GPC5: variants seen among roughly 807,000 people sequenced by gnomAD.
GPC5 encodes the protein glypican-5.
A neutral mutation model predicts 53.9 loss-of-function variants in GPC5; 47 were observed. The observed-to-expected ratio is 0.87, with a 90% CI of 0.69 to 1.11. The LOEUF is 1.11. GPC5 is among the 50% of genes most tolerant of loss of function. The pLI is 0.00. For missense variants in GPC5, 748 were observed against 713.1 expected (o/e 1.05, Z -0.56); for synonymous variants, 286 against 263.3 (o/e 1.09, Z -0.84).
intron 7 of GPC5, among the ~76,000 whole-genome samples, chr13:92,194,358 C>A (rs1171919216): frequency 6.6e-6 from 1 of 152,144 alleles, no homozygotes; most frequent in East Asian, 1.9e-4. Flanking sequence ...TAGGCTCTCC[C>A]TCATAAAAAC....
intron 7 of GPC5, among the ~76,000 whole-genome samples, chr13:92,246,139 T>C (rs1304060097): frequency 1.3e-5 from 2 of 152,054 alleles, no homozygotes. Context: ...AGCTGAATAT[T>C]TTGTACTACA....
intron 6 of GPC5, chr13:91,995,669 A>G (rs566885536): frequency 3.9e-5 from 6 of 152,312 alleles, no homozygotes; most frequent in African/African-American, 1.2e-4. Flanking sequence ...ACAACATTAG[A>G]TACTAAACTC....
At chr13:91,798,835 A>G (rs890666129) in intron 5 of GPC5, among the ~76,000 whole-genome samples, 3 of 152,140 alleles carry the variant, frequency 2.0e-5, no homozygotes, top group African/African-American at 7.2e-5. Flanking sequence ...TCCCACCATC[A>G]GTGTGAAAGT....
chr13:91,441,367 T>C (rs899336649), intron 1 of GPC5, among the ~76,000 whole-genome samples: 2 of 152,226 alleles, frequency 1.3e-5, no homozygotes, highest in African/African-American at 4.8e-5. Context: ...GAATAAATCA[T>C]AGAAGAAAGT....
In GPC5 at chr13:92,516,320, G is replaced by A. The variant is rs549806819; in HGVS notation, c.1562-349962G>A. The stretch of plus-strand genomic sequence containing the variant: ...AAATTAACATTGGCATAAAATACAC[G>A]AGTCCATATTGTTGTTTTTTATTAA... On this transcript the variant is annotated intron_variant, in intron 7 of 7. Coordinates refer to ENST00000377067, the MANE Select transcript of GPC5 (RefSeq NM_004466.6). 2.0e-4 allele frequency among the ~76,000 whole-genome samples: 30 copies of A among 152,150 alleles called. No homozygotes were observed. The South Asian group carries it at 2.7e-3, about 14-fold the overall frequency.
At chr13:91,770,704 TTGTGTGTGTGTG>T (rs71113759) in intron 5 of GPC5, among the ~76,000 whole-genome samples, 8 of 145,554 alleles carry the variant, frequency 5.5e-5, no homozygotes, top group African/African-American at 7.6e-5. Context: ...GACTGTGTGT[TTGTGTGTGTGTG>T]TGTGTGTGTG....
intron 2 of GPC5, among the ~76,000 whole-genome samples, chr13:91,619,594 G>A (rs993132601): frequency 9.2e-5 from 14 of 152,142 alleles, no homozygotes; most frequent in African/African-American, 3.1e-4. Flanking sequence ...AGACCTTTGG[G>A]GAGACATGCC....
chr13:91,518,662 C>G (rs1741903350), intron 2 of GPC5, among the ~76,000 whole-genome samples: 1 of 152,164 alleles, frequency 6.6e-6, no homozygotes, highest in Non-Finnish European at 1.5e-5. Flanking sequence ...ACACCATTCT[C>G]CTGCCTCAGC....
chr13:91,979,702 T>C (rs1039766159), intron 6 of GPC5, among the ~76,000 whole-genome samples: 3 of 152,214 alleles, frequency 2.0e-5, no homozygotes, highest in African/African-American at 7.2e-5. Context: ...TTAAAACATA[T>C]GTCAGCCCAA....
intron 7 of GPC5, among the ~76,000 whole-genome samples, chr13:92,182,378 C>G (rs2042153068): frequency 6.6e-6 from 1 of 152,128 alleles, no homozygotes; most frequent in Non-Finnish European, 1.5e-5. Flanking sequence ...ACTTTTCAAA[C>G]AAAGATCAAG....
chr13:91,973,279 T>C (rs918793703), intron 6 of GPC5, among the ~76,000 whole-genome samples: 2 of 152,242 alleles, frequency 1.3e-5, no homozygotes, highest in Non-Finnish European at 2.9e-5. Flanking sequence ...GGCTTCTGCA[T>C]TTTTCACATA....
chr13:92,604,827 A>G (rs1166957984), intron 7 of GPC5, among the ~76,000 whole-genome samples: 6 of 152,150 alleles, frequency 3.9e-5, no homozygotes, highest in Non-Finnish European at 8.8e-5. Flanking sequence ...TCACATATAG[A>G]TTTTTCCGGA....
intron 7 of GPC5, among the ~76,000 whole-genome samples, chr13:92,852,939 A>G (rs1054403648): frequency 1.3e-5 from 2 of 152,170 alleles, no homozygotes; most frequent in African/African-American, 4.8e-5. Context: ...TGGCTGACAA[A>G]CATAGGTTCC....
chr13:91,877,956 T>C (rs528326397), intron 5 of GPC5, among the ~76,000 whole-genome samples: 1 of 152,302 alleles, frequency 6.6e-6, no homozygotes, highest in East Asian at 1.9e-4. Flanking sequence ...TTGATGGGTT[T>C]ATCAGGAGTT....
At chr13:92,400,520 C>G (rs368783869) in intron 7 of GPC5, among the ~76,000 whole-genome samples, 1 of 152,152 alleles carries the variant, frequency 6.6e-6, no homozygotes, top group East Asian at 1.9e-4. Context: ...TTATGTTGTT[C>G]CATATCCTAA....
intron 7 of GPC5, among the ~76,000 whole-genome samples, chr13:92,854,313 T>C (rs936889016): frequency 5.4e-5 from 8 of 147,786 alleles, no homozygotes; most frequent in Non-Finnish European, 1.0e-4. Context: ...ATTTATTGAA[T>C]ATATATAGAT....
chr13:92,856,966 A>G (rs1410874849), intron 7 of GPC5, among the ~76,000 whole-genome samples: 1 of 151,830 alleles, frequency 6.6e-6, no homozygotes, highest in African/African-American at 2.4e-5. Flanking sequence ...TCACAGAATT[A>G]GGGAAAAAAA....
At chr13:92,224,001 A>G (rs779582310) in intron 7 of GPC5, among the ~76,000 whole-genome samples, 2 of 152,150 alleles carry the variant, frequency 1.3e-5, no homozygotes, top group Non-Finnish European at 2.9e-5. Context: ...ATAAGCATCT[A>G]GTATACACGC....
chr13:91,689,378 A>G (rs1566611573), intron 2 of GPC5, among the ~76,000 whole-genome samples: 1 of 149,344 alleles, frequency 6.7e-6, no homozygotes, highest in Non-Finnish European at 1.5e-5. Flanking sequence ...AGGACATTAC[A>G]CTATTTAGAC....
Sources: allele counts gnomAD v4.1 joint callset (sites outside exome capture counted in the v4.1 genomes callset), GRCh38; gene constraint gnomAD v4.1.1; transcripts MANE v1.5; gene names NCBI Gene and HGNC (gene_info 2026-07-23, HGNC 2026-07-21).